Variants in CDC42BPB observed in about 807,000 individuals in gnomAD.
CDC42BPB encodes the protein CDC42 binding protein kinase beta.
Under a neutral mutation model 214.9 loss-of-function variants are expected in CDC42BPB, and 37 were observed. The observed-to-expected ratio is 0.17, with a 90% CI of 0.13 to 0.23. The LOEUF (loss-of-function observed/expected upper bound fraction) is 0.23. CDC42BPB is among the 10% of genes least tolerant of loss of function. The pLI, the probability that CDC42BPB is intolerant of heterozygous loss-of-function variation, is 1.00. For synonymous variants in CDC42BPB, 931 were observed against 884.0 expected (o/e 1.05, Z -0.94); for missense variants, 1,694 against 2,227.0 (o/e 0.76, Z 4.82).
chr14:102,937,032 A>C (rs1213259966), intron 36 of CDC42BPB: 1 of 152,232 alleles, frequency 6.6e-6, no homozygotes, highest in African/African-American at 2.4e-5. Flanking sequence ...AATAAAAAAA[A>C]CAAAAAAATT....
At chr14:102,995,476 T>C (rs553815551) in intron 5 of CDC42BPB, among the ~76,000 whole-genome samples, 22 of 152,296 alleles carry the variant, frequency 1.4e-4, no homozygotes, top group Middle Eastern at 3.4e-3. Flanking sequence ...TGGCCGATGT[T>C]CTCTCTCTGA....
chr14:102,967,431 T>G (rs1261772323), intron 16 of CDC42BPB: 2 of 817,800 alleles, frequency 2.4e-6, no homozygotes, highest in Non-Finnish European at 3.0e-6. Context: ...ACAAACATCC[T>G]ATTTAAAAGA....
Position 102,946,776 on chromosome 14 carries a change from G to A in CDC42BPB, c.3532-92C>T, listed in dbSNP as rs181001032. Reference sequence around the variant, plus strand: ...GGCCCTGCTGGAGCCACGCACCCCAGGAGCAACGGGGGCTGATGTGCTTCC... The same window carrying A: ...GGCCCTGCTGGAGCCACGCACCCCAAGAGCAACGGGGGCTGATGTGCTTCC... On this transcript the variant is annotated intron_variant, in intron 27 of 36. Coordinates refer to ENST00000361246, the MANE Select transcript of CDC42BPB (RefSeq NM_006035.4). 1.3e-5 allele frequency: 20 copies of A among 1,516,282 alleles called. No homozygotes were observed. In the East Asian group the frequency reaches 1.6e-4, roughly 12 times the overall value. The allele number at this position is 1,516,282 out of a possible 1,614,324, so 93.9% of individuals were successfully genotyped here. A position where few individuals can be genotyped will look rare whatever the true frequency, so the allele number is the denominator to read the frequency against.
At position 102,968,519 on chromosome 14, in the gene CDC42BPB, T is replaced by C; in HGVS notation, c.2193A>G (p.Lys731=). The part of the protein sequence containing the change: ...DSESHQLALQ[K]EILMLKDKLE... ...ACTTATCTTTTAACATCAAGATTTCTTTCTGCAGGGCCAGCTGGTGGCTTT... is the reference window on the plus strand; with the variant it reads ...ACTTATCTTTTAACATCAAGATTTCCTTCTGCAGGGCCAGCTGGTGGCTTT... The change falls in exon 15 of 37, where the codon AAA becomes AAG. Residue 731 remains lysine (K), a synonymous_variant. Coordinates refer to ENST00000361246, the MANE Select transcript of CDC42BPB (RefSeq NM_006035.4). 2 of 1,614,262 alleles carry C rather than the reference T, an allele frequency of 1.2e-6. No individual in the cohort carries two copies. Among genetic ancestry groups the C allele is most frequent in the African/African-American group, 2.7e-5 (2 of 75,068 alleles).
chr14:103,017,327 A>G (rs1341680852), intron 1 of CDC42BPB, among the ~76,000 whole-genome samples: 1 of 152,188 alleles, frequency 6.6e-6, no homozygotes. Context: ...CTCAAAACAA[A>G]AACAAAAAAC....
chr14:102,933,851 C>G lies in CDC42BPB; in HGVS notation c.5005-8G>C, dbSNP rs1483979530. On this transcript the variant is annotated splice_region_variant and splice_polypyrimidine_tract_variant and intron_variant, in intron 36 of 36. Transcript: ENST00000361246. ...GGTGGAGTCCGAATCAGGCTGTGAA[C>G]AGGAAGAGGGCAGGGTGAGCACCCG... The G allele has an allele frequency of 6.6e-7, 1 of 1,517,452 alleles. No individual in the cohort carries two copies. Among genetic ancestry groups the G allele is most frequent in the Non-Finnish European group, 8.8e-7 (1 of 1,139,836 alleles). 94.0% of individuals were successfully genotyped at this position (1,517,452 alleles called of 1,614,324 possible). A position where few individuals can be genotyped will look rare whatever the true frequency, so the allele number is the denominator to read the frequency against.
chr14:102,999,672 G>C lies in CDC42BPB; in HGVS notation c.489C>G (p.Thr163=), dbSNP rs745858921. ...GCTTGTCTTCAAATTTGCTGAGCAG[G>C]GTCAGTAAATCACCACCCACATAGT... The part of the protein sequence containing the change: ...MDYYVGGDLL[T]LLSKFEDKLP... Residue 163 remains threonine (T), a synonymous_variant, in exon 5 of 37, where the codon ACC becomes ACG. Transcript: ENST00000361246. The C allele has an allele frequency of 1.9e-6, 3 of 1,614,110 alleles. No individual in the cohort carries two copies. Among genetic ancestry groups the C allele is most frequent in the South Asian group, 1.1e-5 (1 of 91,070 alleles).
intron 5 of CDC42BPB, among the ~76,000 whole-genome samples, chr14:102,998,707 G>A (rs1292907515): frequency 2.0e-5 from 3 of 152,190 alleles, no homozygotes; most frequent in South Asian, 2.1e-4. Context: ...CCTGCAAGTC[G>A]CAGTGATGGA....
intron 1 of CDC42BPB, among the ~76,000 whole-genome samples, chr14:103,037,797 G>A (rs550204365): frequency 1.7e-4 from 26 of 152,248 alleles, no homozygotes; most frequent in African/African-American, 5.5e-4. Flanking sequence ...TTGGGAGGCC[G>A]AGGCAGGTGG....
At position 102,932,687 on chromosome 14, in the gene CDC42BPB, C is replaced by T. The variant is rs1891435384; in HGVS notation, c.*1025G>A. On this transcript the variant is annotated 3_prime_UTR_variant, in exon 37 of 37. Coordinates refer to ENST00000361246, the MANE Select transcript of CDC42BPB (RefSeq NM_006035.4). ...AGCTGTGTCTGCCGCCACAGTTAAT[C>T]ACAAGCCTCTGACGACACAGGGCCA... The T allele has an allele frequency of 1.3e-5, 2 of 152,488 alleles. No homozygotes were observed. The highest frequency in any genetic ancestry group is 2.9e-5 in the Non-Finnish European group (2 of 68,056). The allele number at this position is 152,488 out of a possible 1,614,324, so 9.4% of individuals were successfully genotyped here. A position where few individuals can be genotyped will look rare whatever the true frequency, so the allele number is the denominator to read the frequency against.
chr14:103,009,133 C>T (rs374763482), intron 2 of CDC42BPB, among the ~76,000 whole-genome samples: 3 of 152,224 alleles, frequency 2.0e-5, no homozygotes, highest in East Asian at 1.9e-4. Flanking sequence ...GTAAGCTACT[C>T]ACTGGCAGTG....
At chr14:102,937,672 G>A (rs530076496) in intron 36 of CDC42BPB, among the ~76,000 whole-genome samples, 1 of 152,388 alleles carries the variant, frequency 6.6e-6, no homozygotes, top group East Asian at 1.9e-4. Flanking sequence ...AGTGGCGCTT[G>A]TCCTGGAGGT....
chr14:103,010,699 C>G (rs1886105606), intron 2 of CDC42BPB, among the ~76,000 whole-genome samples: 2 of 152,188 alleles, frequency 1.3e-5, no homozygotes, highest in African/African-American at 4.8e-5. Context: ...GAGCTTAGAT[C>G]AAACCTCAGC....
At chr14:103,039,460 A>T (rs1887860647) in intron 1 of CDC42BPB, among the ~76,000 whole-genome samples, 1 of 152,236 alleles carries the variant, frequency 6.6e-6, no homozygotes, top group African/African-American at 2.4e-5. Flanking sequence ...CAGGAATGTG[A>T]GGTTGGTTCA....
At chr14:103,005,277 A>C (rs1013448928) in intron 3 of CDC42BPB, among the ~76,000 whole-genome samples, 4 of 152,196 alleles carry the variant, frequency 2.6e-5, no homozygotes, top group Non-Finnish European at 4.4e-5. Flanking sequence ...TGTCAAGCTT[A>C]ACAAAAATAT....
At chr14:103,032,630 C>CTTTTTT (rs35712321) in intron 1 of CDC42BPB, among the ~76,000 whole-genome samples, 1 of 109,014 alleles carries the variant, frequency 9.2e-6, no homozygotes, top group Non-Finnish European at 1.8e-5. Context: ...AACAAATCCA[C>CTTTTTT]TTTTTTTTTT....
At chr14:102,964,760 T>C (rs945902649) in intron 18 of CDC42BPB, 110 bp from the exon 19 acceptor site, 2 of 1,389,306 alleles carry the variant, frequency 1.4e-6, no homozygotes, top group Admixed American at 3.4e-5. Flanking sequence ...CGGTCTCATT[T>C]AGATATTAAC....
chr14:102,938,554 G>C (rs181979534), intron 34 of CDC42BPB, 143 bp from the exon 35 acceptor site: 2 of 1,426,250 alleles, frequency 1.4e-6, no homozygotes, highest in Non-Finnish European at 9.1e-7. Flanking sequence ...GATTGGACAA[G>C]GGTTCTGGAC....
intron 13 of CDC42BPB, among the ~76,000 whole-genome samples, chr14:102,970,902 G>A (rs974467187): frequency 1.3e-5 from 2 of 152,212 alleles, no homozygotes; most frequent in African/African-American, 2.4e-5. Context: ...AAAGGAACAG[G>A]AGCATGTGCT....
Sources: allele counts gnomAD v4.1 joint callset (sites outside exome capture counted in the v4.1 genomes callset), GRCh38; gene constraint gnomAD v4.1.1; transcripts MANE v1.5; gene names NCBI Gene and HGNC (gene_info 2026-07-23, HGNC 2026-07-21).